The following DAB1 variants were observed in gnomAD, a reference collection of about 807,000 sequenced individuals.
DAB1 encodes DAB adaptor protein 1.
A neutral mutation model predicts 64.6 loss-of-function variants in DAB1; 15 were observed. The ratio of observed to expected loss-of-function variants is 0.23; its 90% CI spans 0.16 to 0.36. The LOEUF is 0.36. Ranked by LOEUF, DAB1 falls within the 10% of genes least tolerant of loss-of-function variation. The probability of loss-of-function intolerance (pLI) is 1.00; values close to 1 mark genes in which losing one functional copy is unlikely to be tolerated. For synonymous variants in DAB1, 235 were observed against 251.9 expected, an observed-to-expected ratio of 0.93 and a Z score of 0.64; for missense variants, 596 against 706.7, an observed-to-expected ratio of 0.84 and a Z score of 1.78.
At chr1:58,123,739 A>T (rs537581315) in intron 5 of DAB1, among the ~76,000 whole-genome samples, 10 of 152,248 alleles carry the variant, frequency 6.6e-5, no homozygotes, top group South Asian at 2.1e-4. Context: ...AAGAAATTTG[A>T]CTGATCGATT....
Position 57,454,528 on chromosome 1 carries a change from C to G in DAB1, n.626-163362G>C, listed in dbSNP as rs551234828. Among the ~76,000 whole-genome samples, 32 of 152,012 alleles carry G rather than the reference C, an allele frequency of 2.1e-4. No individual in the cohort carries two copies. The East Asian group carries it at 6.0e-3, about 29-fold the overall frequency. Reference sequence around the variant, plus strand: ...TGAGGATGGAGGGTGGGAGGAGGGACAGGATCAGAAAAAATAACTATTGGG... The same window carrying G: ...TGAGGATGGAGGGTGGGAGGAGGGAGAGGATCAGAAAAAATAACTATTGGG... On this transcript the variant is annotated intron_variant and non_coding_transcript_variant, in intron 7 of 20. Transcript: ENST00000485760.
chr1:57,396,643 G>A (rs1387154388), intron 1 of DAB1, among the ~76,000 whole-genome samples: 1 of 152,150 alleles, frequency 6.6e-6, no homozygotes, highest in African/African-American at 2.4e-5. Flanking sequence ...TCAAACCCTG[G>A]TTCTGCCACT....
intron 1 of DAB1, among the ~76,000 whole-genome samples, chr1:57,345,444 AG>A: frequency 6.6e-6 from 1 of 152,234 alleles, no homozygotes. Context: ...CTCAGAGTAA[AG>A]GTGATGAGGA....
intron 7 of DAB1, among the ~76,000 whole-genome samples, chr1:57,540,088 C>A (rs750466573): frequency 6.6e-6 from 1 of 152,168 alleles, no homozygotes; most frequent in Non-Finnish European, 1.5e-5. Flanking sequence ...CTACTATGGG[C>A]CAAGCTCTGG....
chr1:58,526,154 T>C (rs149234195), intron 2 of DAB1, among the ~76,000 whole-genome samples: 3 of 152,092 alleles, frequency 2.0e-5, no homozygotes, highest in African/African-American at 7.2e-5. Context: ...TCTGACAGAC[T>C]GGAGTACATG....
At chr1:57,761,334 T>C (rs781092915) in intron 6 of DAB1, among the ~76,000 whole-genome samples, 3 of 152,208 alleles carry the variant, frequency 2.0e-5, no homozygotes, top group Non-Finnish European at 4.4e-5. Context: ...TTTGTTTTTA[T>C]TTTATTTTAA....
chr1:58,009,391 T>C (rs1455716382), intron 5 of DAB1, among the ~76,000 whole-genome samples: 1 of 152,188 alleles, frequency 6.6e-6, no homozygotes, highest in Non-Finnish European at 1.5e-5. Flanking sequence ...TGCTGTATGC[T>C]ACATATTGAC....
At chr1:57,729,006 G>A in intron 6 of DAB1, among the ~76,000 whole-genome samples, 1 of 152,276 alleles carries the variant, frequency 6.6e-6, no homozygotes, top group Admixed American at 6.5e-5. Context: ...CTCATGTAGT[G>A]TTCTCATTGC....
chr1:57,415,392 A>G (rs1030572686), intron 1 of DAB1, among the ~76,000 whole-genome samples: 4 of 151,858 alleles, frequency 2.6e-5, no homozygotes, highest in East Asian at 2.0e-4. Context: ...TCAGAGTGGG[A>G]AAAAAAAGGC....
chr1:57,557,252 C>G (rs567430509), intron 7 of DAB1, among the ~76,000 whole-genome samples: 1 of 152,246 alleles, frequency 6.6e-6, no homozygotes, highest in African/African-American at 2.4e-5. Context: ...GGCCTCCCAG[C>G]TACATCTTTC....
intron 5 of DAB1, among the ~76,000 whole-genome samples, chr1:58,095,847 C>A (rs1429058104): frequency 6.6e-6 from 1 of 152,146 alleles, no homozygotes; most frequent in African/African-American, 2.4e-5. Flanking sequence ...GGGAAAGATT[C>A]CTGACACCAT....
intron 4 of DAB1, among the ~76,000 whole-genome samples, chr1:58,215,256 T>C (rs1658783170): frequency 6.6e-6 from 1 of 152,080 alleles, no homozygotes; most frequent in Non-Finnish European, 1.5e-5. Flanking sequence ...CTAAAATTCT[T>C]CCCCAAGATC....
intron 6 of DAB1, among the ~76,000 whole-genome samples, chr1:57,744,477 A>G (rs1442239068): frequency 6.6e-6 from 1 of 151,852 alleles, no homozygotes; most frequent in Non-Finnish European, 1.5e-5. Context: ...TTGTTATTGG[A>G]CATATTTTAT....
chr1:57,963,337 G>C (rs1645572020), intron 5 of DAB1, among the ~76,000 whole-genome samples: 1 of 152,154 alleles, frequency 6.6e-6, no homozygotes. Flanking sequence ...TGAAGAGTTA[G>C]GGAAGGCACC....
intron 2 of DAB1, among the ~76,000 whole-genome samples, chr1:58,508,411 T>C (rs1222487853): frequency 6.6e-6 from 1 of 152,196 alleles, no homozygotes; most frequent in Non-Finnish European, 1.5e-5. Context: ...AATATACGAA[T>C]TCCCTTTGTG....
intron 5 of DAB1, among the ~76,000 whole-genome samples, chr1:58,110,045 T>C (rs544174434): frequency 1.3e-5 from 2 of 152,372 alleles, no homozygotes; most frequent in East Asian, 3.9e-4. Context: ...GGACTCTCCC[T>C]AGAACTTTAA....
rs370746778 is a variant in DAB1 at position 57,683,382 on chromosome 1, G to A, written n.552-33717C>T. On this transcript the variant is annotated intron_variant and non_coding_transcript_variant, in intron 6 of 20. Coordinates refer to the DAB1 transcript ENST00000485760. ...GGCCAGGAGTGAACCTGCTGAGTGG[G>A]TCATCTCTCCCCACCCTCCACCACA... Among the ~76,000 whole-genome samples, 18 of 152,260 alleles carry A rather than the reference G, an allele frequency of 1.2e-4. No homozygotes were observed. The East Asian group carries it at 3.5e-3, about 29-fold the overall frequency.
intron 9 of DAB1, among the ~76,000 whole-genome samples, chr1:57,053,196 C>A (rs565400504): frequency 2.0e-5 from 3 of 152,098 alleles, no homozygotes; most frequent in African/African-American, 7.2e-5. Context: ...AGAATCTTGG[C>A]GGGGGGTCTG....
chr1:57,675,552 C>T (rs1646556193), intron 6 of DAB1, among the ~76,000 whole-genome samples: 1 of 152,162 alleles, frequency 6.6e-6, no homozygotes, highest in African/African-American at 2.4e-5. Flanking sequence ...GTTCCTGAAG[C>T]ATGTCATATT....
Sources: gnomAD v4.1 joint callset for allele counts (sites outside exome capture counted in the v4.1 genomes callset) on GRCh38, gnomAD v4.1.1 for gene constraint, MANE v1.5 for transcripts, NCBI Gene and HGNC (gene_info 2026-07-23, HGNC 2026-07-21) for gene names.